PPFIA2: variants seen among roughly 807,000 people sequenced by gnomAD.
PPFIA2 encodes liprin-alpha-2.
PPFIA2 carries 46 observed loss-of-function variants against 175.5 expected under a neutral mutation model. The ratio of observed to expected loss-of-function variants is 0.26; its 90% CI spans 0.21 to 0.34. PPFIA2 has a LOEUF of 0.34. PPFIA2 is among the 10% of genes least tolerant of loss of function. PPFIA2 has a pLI of 1.00. For missense variants in PPFIA2, 1,179 were observed against 1,506.1 expected (o/e 0.78, Z 3.60); for synonymous variants, 568 against 511.4 (o/e 1.11, Z -1.49).
intron 7 of PPFIA2, among the ~76,000 whole-genome samples, chr12:81,432,385 T>C (rs994773991): frequency 6.6e-6 from 1 of 151,900 alleles, no homozygotes; most frequent in Admixed American, 6.6e-5. Flanking sequence ...TTCACATATA[T>C]GCCACCACAC....
chr12:81,566,692 T>C (rs528974187), intron 4 of PPFIA2, among the ~76,000 whole-genome samples: 2 of 152,272 alleles, frequency 1.3e-5, no homozygotes, highest in East Asian at 1.9e-4. Context: ...ATTCACATTC[T>C]CTTAGGGGGA....
At chr12:81,545,148 T>C (rs1446279450) in intron 4 of PPFIA2, among the ~76,000 whole-genome samples, 1 of 151,872 alleles carries the variant, frequency 6.6e-6, no homozygotes, top group Admixed American at 6.6e-5. Context: ...GAGATACACA[T>C]ATGCATGCTA....
intron 21 of PPFIA2, among the ~76,000 whole-genome samples, chr12:81,334,379 A>G (rs1261499255): frequency 1.3e-5 from 2 of 152,158 alleles, no homozygotes; most frequent in South Asian, 2.1e-4. Context: ...TCATTTTCCT[A>G]AAGTCCATAA....
intron 3 of PPFIA2, among the ~76,000 whole-genome samples, chr12:81,719,489 T>C (rs2079057767): frequency 6.6e-6 from 1 of 151,502 alleles, no homozygotes. Flanking sequence ...GGAGATGTCC[T>C]TGAAACAGAA....
intron 23 of PPFIA2, 110 bp from the exon 24 acceptor site, chr12:81,295,145 G>C: frequency 1.1e-6 from 1 of 933,920 alleles, no homozygotes; most frequent in East Asian, 2.6e-5. Context: ...CTCACCCCAC[G>C]AGATAAAATG....
chr12:81,622,721 A>G (rs1184835925), intron 4 of PPFIA2, among the ~76,000 whole-genome samples: 1 of 152,166 alleles, frequency 6.6e-6, no homozygotes, highest in Non-Finnish European at 1.5e-5. Flanking sequence ...CATAGTATTC[A>G]GGGAAAACCT....
At chr12:81,642,710 G>C (rs1297524672) in intron 4 of PPFIA2, among the ~76,000 whole-genome samples, 4 of 75,696 alleles carry the variant, frequency 5.3e-5, no homozygotes, top group Non-Finnish European at 8.6e-5. Context: ...GTATATGTAT[G>C]TATGTATTAT....
At chr12:81,304,233 A>C (rs2048586031) in intron 22 of PPFIA2, among the ~76,000 whole-genome samples, 1 of 152,140 alleles carries the variant, frequency 6.6e-6, no homozygotes, top group African/African-American at 2.4e-5. Flanking sequence ...TTGGTTCACA[A>C]GTTGTGACCC....
chr12:81,322,634 T>C (rs1216354673), intron 22 of PPFIA2, among the ~76,000 whole-genome samples: 1 of 152,176 alleles, frequency 6.6e-6, no homozygotes, highest in Non-Finnish European at 1.5e-5. Flanking sequence ...TGGAGAAATT[T>C]ATGGAATTGA....
At position 81,545,574 on chromosome 12, in the gene PPFIA2, C is replaced by A. The variant is rs184467238; in HGVS notation, c.304-87708G>T. 321 of 154,670 alleles carry A rather than the reference C, an allele frequency of 2.1e-3. 3 individuals are homozygous for A. The highest frequency in any genetic ancestry group is 1.4e-3 in the Non-Finnish European group (99 of 68,532). 9.6% of individuals were successfully genotyped at this position (154,670 alleles called of 1,614,324 possible). On this transcript the variant is annotated intron_variant, in intron 4 of 32. Transcript: ENST00000549396. Reference sequence around the variant, plus strand: ...CCAGAATTTTCATATGCTTGTCCTGCAAAAGGACAGTCAAAAATAGAAGTT... The same window carrying A: ...CCAGAATTTTCATATGCTTGTCCTGAAAAAGGACAGTCAAAAATAGAAGTT...
intron 4 of PPFIA2, among the ~76,000 whole-genome samples, chr12:81,551,319 TTTAG>T (rs2067883060): frequency 1.3e-5 from 2 of 152,116 alleles, no homozygotes; most frequent in African/African-American, 2.4e-5. Context: ...CATTATTAAA[TTTAG>T]TTAATTTCAT....
At chr12:81,302,717 A>C (rs1208463463) in intron 22 of PPFIA2, 1 of 452,300 alleles carries the variant, frequency 2.2e-6, no homozygotes, top group Non-Finnish European at 4.4e-6. Flanking sequence ...AGTAACAATT[A>C]TTTAAAAAAG....
intron 3 of PPFIA2, among the ~76,000 whole-genome samples, chr12:81,716,189 T>C (rs1196103492): frequency 6.6e-6 from 1 of 151,846 alleles, no homozygotes; most frequent in Non-Finnish European, 1.5e-5. Context: ...AATTATAATC[T>C]AAATACATAA....
intron 4 of PPFIA2, among the ~76,000 whole-genome samples, chr12:81,534,506 C>T (rs183669710): frequency 6.6e-6 from 1 of 151,720 alleles, no homozygotes; most frequent in East Asian, 1.9e-4. Context: ...TCTATTAATG[C>T]ATTTTCCCTC....
At chr12:81,470,689 T>C (rs2056574918) in intron 4 of PPFIA2, among the ~76,000 whole-genome samples, 1 of 152,228 alleles carries the variant, frequency 6.6e-6, no homozygotes, top group Non-Finnish European at 1.5e-5. Context: ...AGTGGAGGAA[T>C]GAATTTTTAA....
intron 8 of PPFIA2, among the ~76,000 whole-genome samples, chr12:81,398,038 T>C (rs964780238): frequency 3.9e-5 from 6 of 152,014 alleles, no homozygotes; most frequent in Non-Finnish European, 7.4e-5. Flanking sequence ...TATAATTATT[T>C]CATTATATAT....
intron 22 of PPFIA2, among the ~76,000 whole-genome samples, chr12:81,310,990 C>T (rs2050629917): frequency 6.6e-6 from 1 of 152,130 alleles, no homozygotes; most frequent in South Asian, 2.1e-4. Flanking sequence ...TATCTCATTG[C>T]AGTCATTTTA....
intron 7 of PPFIA2, among the ~76,000 whole-genome samples, chr12:81,439,694 C>A (rs894001415): frequency 1.3e-5 from 2 of 152,108 alleles, no homozygotes; most frequent in African/African-American, 4.8e-5. Context: ...CTTCTTGAAA[C>A]GACTGACGTT....
chr12:81,412,675 G>A (rs2044203687), intron 7 of PPFIA2, among the ~76,000 whole-genome samples: 1 of 151,828 alleles, frequency 6.6e-6, no homozygotes, highest in African/African-American at 2.4e-5. Context: ...AGTTGTTGCT[G>A]GTTGTACGAT....
Sources: gnomAD v4.1 joint callset for allele counts (sites outside exome capture counted in the v4.1 genomes callset) on GRCh38, gnomAD v4.1.1 for gene constraint, MANE v1.5 for transcripts, NCBI Gene and HGNC (gene_info 2026-07-23, HGNC 2026-07-21) for gene names.